The following ZNF410 variants were observed in gnomAD, a reference collection of about 807,000 sequenced individuals.
ZNF410 encodes another partner for ARF 1.
A neutral mutation model predicts 54.8 loss-of-function variants in ZNF410; 18 were observed. The ratio of observed to expected loss-of-function variants is 0.33; its 90% CI spans 0.23 to 0.49. The LOEUF is 0.49. ZNF410 is among the 20% of genes least tolerant of loss of function. The pLI, the probability that ZNF410 is intolerant of heterozygous loss-of-function variation, is 0.99. For synonymous variants in ZNF410, 191 were observed against 207.3 expected (o/e 0.92, Z 0.68); for missense variants, 405 against 569.6 (o/e 0.71, Z 2.94).
At chr14:73,919,886 G>GTTTTTTTTTTTTTTTTT (rs1158550117) in intron 8 of ZNF410, among the ~76,000 whole-genome samples, 3 of 62,044 alleles carry the variant, frequency 4.8e-5, no homozygotes, top group African/African-American at 1.2e-4. Context: ...TATTGTATAG[G>GTTTTTTTTTTTTTTTTT]TTTTTTTTTT....
chr14:73,925,167 G>C (rs1393491397), intron 11 of ZNF410, among the ~76,000 whole-genome samples: 1 of 151,940 alleles, frequency 6.6e-6, no homozygotes, highest in Non-Finnish European at 1.5e-5. Context: ...CATTGTCTTT[G>C]CTTATATTTA....
At chr14:73,917,297 G>A (rs1389813565) in intron 8 of ZNF410, among the ~76,000 whole-genome samples, 1 of 152,054 alleles carries the variant, frequency 6.6e-6, no homozygotes, top group African/African-American at 2.4e-5. Flanking sequence ...TTAAATCATT[G>A]TTTTAATATA....
chr14:73,932,279 G>GTTCT lies in ZNF410; in HGVS notation c.*741_*744dup. ...TTAAATAAACAAAACAGCCCAGTCAGTTCTTTGGCTCTTGTTTTATACAAA... is the reference window on the plus strand; with the variant it reads ...TTAAATAAACAAAACAGCCCAGTCAGTTCTTTCTTTGGCTCTTGTTTTATACAAA... On this transcript the variant is annotated 3_prime_UTR_variant, in exon 12 of 12. Transcript: ENST00000555044. 2 of 333,378 alleles carry GTTCT rather than the reference G, an allele frequency of 6.0e-6. No homozygotes were observed. Among genetic ancestry groups the GTTCT allele is most frequent in the South Asian group, 4.8e-5 (2 of 41,306 alleles). The allele number at this position is 333,378 out of a possible 1,614,324, so 20.7% of individuals were successfully genotyped here.
chr14:73,921,201 T>C (rs556895458), intron 9 of ZNF410, 96 bp downstream of exon 9: 147 of 1,535,542 alleles, frequency 9.6e-5, no homozygotes, highest in Non-Finnish European at 1.2e-4. Context: ...TTTCTGATTC[T>C]GTTTTGGGTA....
chr14:73,896,278 A>AGGT, intron 3 of ZNF410, 38 bp from the exon 4 acceptor site: 1 of 1,531,662 alleles, frequency 6.5e-7, no homozygotes, highest in East Asian at 2.2e-5. Flanking sequence ...TCCTAGAGAT[A>AGGT]GGTGCTACAT....
At chr14:73,906,423 C>T (rs1456659635) in intron 7 of ZNF410, 1 of 152,052 alleles carries the variant, frequency 6.6e-6, no homozygotes, top group Admixed American at 6.6e-5. Flanking sequence ...ACCTTCAGAC[C>T]AGCCCATTGT....
chr14:73,909,187 A>C (rs1027039651), intron 7 of ZNF410, among the ~76,000 whole-genome samples, 154 bp from the exon 8 acceptor site: 6 of 152,208 alleles, frequency 3.9e-5, no homozygotes, highest in African/African-American at 1.4e-4. Flanking sequence ...TTGAGAGGCA[A>C]CACTTGCTAG....
chr14:73,905,968 C>CACACACACATATAT (rs1461702433), intron 7 of ZNF410, among the ~76,000 whole-genome samples: 10 of 78,942 alleles, frequency 1.3e-4, no homozygotes, highest in African/African-American at 4.2e-4. Flanking sequence ...CACACACACA[C>CACACACACATATAT]ATATATATAT....
intron 1 of ZNF410, 95 bp downstream of exon 1, chr14:73,887,010 T>G (rs1193012046): frequency 6.5e-6 from 1 of 152,792 alleles, no homozygotes; most frequent in Non-Finnish European, 1.5e-5. Flanking sequence ...TGGGGCCGAG[T>G]TCGCCCCGAG....
chr14:73,900,669 G>C (rs560935114), intron 5 of ZNF410, among the ~76,000 whole-genome samples: 96 of 152,166 alleles, frequency 6.3e-4, no homozygotes, highest in South Asian at 8.3e-4. Flanking sequence ...GCCACCGTGC[G>C]TGGTCCCACA....
At chr14:73,893,297 A>T (rs1383478274) in intron 2 of ZNF410, 5 of 152,326 alleles carry the variant, frequency 3.3e-5, no homozygotes, top group African/African-American at 4.8e-5. Flanking sequence ...ATAGAGATAC[A>T]TTCTGAGAAA....
At chr14:73,895,888 C>CA in intron 3 of ZNF410, among the ~76,000 whole-genome samples, 1 of 152,300 alleles carries the variant, frequency 6.6e-6, no homozygotes, top group East Asian at 1.9e-4. Flanking sequence ...GCAAAAACTG[C>CA]AATAGCTTTT....
At chr14:73,890,269 A>G (rs2055208537) in intron 1 of ZNF410, among the ~76,000 whole-genome samples, 2 of 150,920 alleles carry the variant, frequency 1.3e-5, no homozygotes, top group African/African-American at 4.9e-5. Context: ...GCTCACTGCA[A>G]CCTCCATCTC....
intron 1 of ZNF410, among the ~76,000 whole-genome samples, chr14:73,890,275 A>G (rs1193478677): frequency 1.3e-5 from 2 of 150,568 alleles, no homozygotes; most frequent in Admixed American, 1.3e-4. Flanking sequence ...TGCAACCTCC[A>G]TCTCTCGGGT....
At chr14:73,920,881 A>G (rs2055745476) in intron 8 of ZNF410, 99 bp from the exon 9 acceptor site, 2 of 1,486,306 alleles carry the variant, frequency 1.3e-6, no homozygotes, top group Non-Finnish European at 1.8e-6. Flanking sequence ...GCAGCTGCTT[A>G]TGTTCAGTTT....
At chr14:73,925,833 A>G (rs144327034) in intron 11 of ZNF410, among the ~76,000 whole-genome samples, 1 of 152,112 alleles carries the variant, frequency 6.6e-6, no homozygotes, top group Admixed American at 6.5e-5. Flanking sequence ...GGAGTTCAAG[A>G]CCAGCCTGGG....
intron 11 of ZNF410, among the ~76,000 whole-genome samples, chr14:73,925,197 C>A (rs1308148703): frequency 6.6e-6 from 1 of 152,136 alleles, no homozygotes; most frequent in Non-Finnish European, 1.5e-5. Flanking sequence ...ATCTTGATAT[C>A]ATTGGTTCTT....
intron 11 of ZNF410, among the ~76,000 whole-genome samples, chr14:73,926,310 A>G (rs2055829888): frequency 6.6e-6 from 1 of 152,044 alleles, no homozygotes; most frequent in Admixed American, 6.6e-5. Flanking sequence ...GGTTTGCTAG[A>G]GTCAGGATTC....
In ZNF410 at chr14:73,931,682, C is replaced by A; in HGVS notation, c.*141C>A. On this transcript the variant is annotated 3_prime_UTR_variant, in exon 12 of 12. Coordinates refer to ENST00000555044, the MANE Select transcript of ZNF410 (RefSeq NM_021188.3). ...CTGCTTTTGCCACTCTTCCTCTTTC[C>A]TGGTATAGAAGATGGATGTAGGAGA... 1 of 732,266 alleles carries A rather than the reference C, an allele frequency of 1.4e-6. No homozygotes were observed. Among genetic ancestry groups the A allele is most frequent in the Non-Finnish European group, 2.3e-6 (1 of 427,946 alleles). The allele number at this position is 732,266 out of a possible 1,614,324, so 45.4% of individuals were successfully genotyped here. A position where few individuals can be genotyped will look rare whatever the true frequency, so the allele number is the denominator to read the frequency against.
Sources: gnomAD v4.1 joint callset for allele counts (sites outside exome capture counted in the v4.1 genomes callset) on GRCh38, gnomAD v4.1.1 for gene constraint, MANE v1.5 for transcripts, NCBI Gene and HGNC (gene_info 2026-07-23, HGNC 2026-07-21) for gene names.